CHMP3: variants seen among roughly 807,000 people sequenced by gnomAD.
The protein encoded by CHMP3 is 25.1 protein.
Under a neutral mutation model 27.4 loss-of-function variants are expected in CHMP3, and 8 were observed. That is an observed-to-expected ratio of 0.29 (90% confidence interval 0.17 to 0.53). The LOEUF is 0.53. CHMP3 is among the 20% of genes least tolerant of loss of function. CHMP3 has a pLI of 0.96. For missense variants in CHMP3, 208 were observed against 271.5 expected, an observed-to-expected ratio of 0.77 and a Z score of 1.64; for synonymous variants, 86 against 85.5, an observed-to-expected ratio of 1.01 and a Z score of -0.03.
chr2:86,505,567 C>A lies in CHMP3; in HGVS notation c.*237G>T. Reference sequence around the variant, plus strand: ...AAGTGCTTCATGAGCAGATGGATTTCTTTCCCCTCCCCACAATAAGATATA... The same window carrying A: ...AAGTGCTTCATGAGCAGATGGATTTATTTCCCCTCCCCACAATAAGATATA... On this transcript the variant is annotated 3_prime_UTR_variant, in exon 6 of 6. Transcript: ENST00000263856. The A allele has an allele frequency of 4.7e-6, 2 of 423,610 alleles. No individual in the cohort carries two copies. The highest frequency in any genetic ancestry group is 3.9e-6 in the Non-Finnish European group (1 of 255,982). The allele number at this position is 423,610 out of a possible 1,614,324, so 26.2% of individuals were successfully genotyped here. A position where few individuals can be genotyped will look rare whatever the true frequency, so the allele number is the denominator to read the frequency against.
intron 3 of CHMP3, among the ~76,000 whole-genome samples, chr2:86,516,387 G>A (rs1675307764): frequency 6.6e-6 from 1 of 152,160 alleles, no homozygotes; most frequent in Non-Finnish European, 1.5e-5. Flanking sequence ...TCACCAAAGA[G>A]GAGATACGGA....
intron 3 of CHMP3, among the ~76,000 whole-genome samples, chr2:86,516,177 T>G (rs1000207748): frequency 1.3e-5 from 2 of 150,440 alleles, no homozygotes; most frequent in Non-Finnish European, 3.0e-5. Context: ...AAAAAAAATT[T>G]ATATGGCAAA....
intron 1 of CHMP3, among the ~76,000 whole-genome samples, chr2:86,547,465 C>A (rs1334369967): frequency 1.3e-5 from 2 of 152,172 alleles, no homozygotes; most frequent in Non-Finnish European, 2.9e-5. Context: ...TAAGAGAAAT[C>A]TGAAGAACCA....
At chr2:86,518,620 T>G (rs1675404812) in intron 3 of CHMP3, among the ~76,000 whole-genome samples, 1 of 152,134 alleles carries the variant, frequency 6.6e-6, no homozygotes, top group South Asian at 2.1e-4. Context: ...TGGGTAATTC[T>G]TTTGTTGGAG....
At chr2:86,523,625 G>A (rs1340823678) in intron 3 of CHMP3, among the ~76,000 whole-genome samples, 1 of 151,996 alleles carries the variant, frequency 6.6e-6, no homozygotes, top group African/African-American at 2.4e-5. Flanking sequence ...ACGAGGGAGG[G>A]CAGGTACTCA....
At chr2:86,539,817 T>A (rs1676291826) in intron 2 of CHMP3, among the ~76,000 whole-genome samples, 2 of 152,110 alleles carry the variant, frequency 1.3e-5, no homozygotes, top group South Asian at 4.1e-4. Flanking sequence ...CATGCTTTAT[T>A]CCTTCATATA....
intron 2 of CHMP3, among the ~76,000 whole-genome samples, chr2:86,536,458 G>A (rs1676145638): frequency 6.6e-6 from 1 of 151,430 alleles, no homozygotes; most frequent in African/African-American, 2.5e-5. Context: ...CATGGCTTTT[G>A]TTTATCTGAC....
chr2:86,536,144 C>T (rs542585525), intron 2 of CHMP3, among the ~76,000 whole-genome samples: 43 of 150,868 alleles, frequency 2.9e-4, no homozygotes, highest in African/African-American at 9.5e-4. Flanking sequence ...TACAGGCGCC[C>T]GCCACTACGC....
Position 86,505,681 on chromosome 2 carries a change from GAA to G in CHMP3, c.*121_*122del, listed in dbSNP as rs1488451123. On this transcript the variant is annotated 3_prime_UTR_variant, in exon 6 of 6. Coordinates refer to ENST00000263856, the MANE Select transcript of CHMP3 (RefSeq NM_016079.4). Reference sequence around the variant, plus strand: ...CGATCCCAAAACCTGGGCAGAGAATGAAAAGAGACAAACAGAACCTTCTCCAA... The same window carrying G: ...CGATCCCAAAACCTGGGCAGAGAATGAAGAGACAAACAGAACCTTCTCCAA... The G allele has an allele frequency of 3.1e-6, 4 of 1,286,706 alleles. No individual in the cohort carries two copies. Among genetic ancestry groups the G allele is most frequent in the Non-Finnish European group, 3.0e-6 (3 of 1,000,638 alleles). The allele number at this position is 1,286,706 out of a possible 1,614,324, so 79.7% of individuals were successfully genotyped here.
chr2:86,546,673 G>C (rs1326659546), intron 1 of CHMP3, among the ~76,000 whole-genome samples: 1 of 151,938 alleles, frequency 6.6e-6, no homozygotes, highest in Non-Finnish European at 1.5e-5. Flanking sequence ...CCTGACCTCA[G>C]GTAATCCACC....
chr2:86,508,024 A>T (rs982491282), intron 4 of CHMP3, among the ~76,000 whole-genome samples: 7 of 152,150 alleles, frequency 4.6e-5, no homozygotes, highest in Admixed American at 3.9e-4. Flanking sequence ...ATGCCGTGAT[A>T]AAAAAATGCC....
intron 3 of CHMP3, among the ~76,000 whole-genome samples, chr2:86,523,959 G>A (rs1342129715): frequency 6.6e-6 from 1 of 152,122 alleles, no homozygotes; most frequent in Non-Finnish European, 1.5e-5. Context: ...TAAAGTTGAG[G>A]AAATTTTGCA....
intron 1 of CHMP3, among the ~76,000 whole-genome samples, chr2:86,546,626 C>T (rs1430223624): frequency 6.6e-5 from 10 of 151,780 alleles, no homozygotes; most frequent in African/African-American, 1.7e-4. Flanking sequence ...TCAGTAGAGA[C>T]GGGATTTCAC....
intron 3 of CHMP3, among the ~76,000 whole-genome samples, chr2:86,528,019 T>C (rs1675782007): frequency 6.6e-6 from 1 of 152,154 alleles, no homozygotes; most frequent in African/African-American, 2.4e-5. Context: ...AAGGATGATG[T>C]GGTACAAACA....
At chr2:86,550,900 T>C (rs1440903569) in intron 1 of CHMP3, among the ~76,000 whole-genome samples, 1 of 152,222 alleles carries the variant, frequency 6.6e-6, no homozygotes, top group Admixed American at 6.5e-5. Context: ...ACATACGTTA[T>C]ATGCAATTAC....
chr2:86,556,823 C>T (rs572512146), intron 1 of CHMP3, among the ~76,000 whole-genome samples: 3 of 152,156 alleles, frequency 2.0e-5, no homozygotes, highest in Non-Finnish European at 2.9e-5. Context: ...TCCCCTAGCC[C>T]GCTTTTTCAC....
intron 3 of CHMP3, among the ~76,000 whole-genome samples, chr2:86,521,301 T>C (rs539882165): frequency 6.6e-6 from 1 of 152,272 alleles, no homozygotes; most frequent in East Asian, 1.9e-4. Flanking sequence ...GAAAACTATA[T>C]AAGAGCTTGG....
At chr2:86,539,116 C>T (rs1208442850) in intron 2 of CHMP3, among the ~76,000 whole-genome samples, 1 of 152,132 alleles carries the variant, frequency 6.6e-6, no homozygotes, top group Non-Finnish European at 1.5e-5. Flanking sequence ...GATCCATTCA[C>T]CTTGACTGCT....
intron 2 of CHMP3, among the ~76,000 whole-genome samples, chr2:86,530,626 TGTG>T (rs1675883725): frequency 6.6e-6 from 1 of 152,246 alleles, no homozygotes; most frequent in South Asian, 2.1e-4. Context: ...TTTTAGCTAT[TGTG>T]AAGAACATGA....
Sources: gnomAD v4.1 joint callset for allele counts (sites outside exome capture counted in the v4.1 genomes callset) on GRCh38, gnomAD v4.1.1 for gene constraint, MANE v1.5 for transcripts, NCBI Gene and HGNC (gene_info 2026-07-23, HGNC 2026-07-21) for gene names.